Variants in TENM2 observed in about 807,000 individuals in gnomAD.
TENM2 encodes teneurin-2.
In TENM2, 52 loss-of-function variants were observed where a neutral mutation model predicts 245.2. The ratio of observed to expected loss-of-function variants is 0.21; its 90% CI spans 0.17 to 0.27. The LOEUF is 0.27. Among genes scored for constraint, TENM2 ranks in the 10% least tolerant of loss-of-function variants. The pLI, the probability that TENM2 is intolerant of heterozygous loss-of-function variation, is 1.00. For missense variants in TENM2, 3,046 were observed against 3,666.8 expected (o/e 0.83, Z 4.37); for synonymous variants, 1,363 against 1,438.9 (o/e 0.95, Z 1.19).
At chr5:167,098,653 A>G in the TENM2 span, among the ~76,000 whole-genome samples, 4 of 152,230 alleles carry the variant, frequency 2.6e-5, no homozygotes, top group Non-Finnish European at 5.9e-5. Context: ...ACTTGAAAAC[A>G]TACCGAGAAA....
the TENM2 span, among the ~76,000 whole-genome samples, chr5:167,234,628 A>G: frequency 6.6e-6 from 1 of 152,170 alleles, no homozygotes; most frequent in Admixed American, 6.5e-5. Flanking sequence ...GTGAATGAGG[A>G]TGATTTCATA....
intron 2 of TENM2, among the ~76,000 whole-genome samples, chr5:167,720,325 A>G (rs546498689): frequency 2.0e-5 from 3 of 152,246 alleles, no homozygotes; most frequent in Non-Finnish European, 2.9e-5. Context: ...TGAAAAAAAT[A>G]TGAAAGCACA....
chr5:167,524,807 A>G (rs1770996220), intron 2 of TENM2, among the ~76,000 whole-genome samples: 1 of 151,604 alleles, frequency 6.6e-6, no homozygotes, highest in African/African-American at 2.4e-5. Context: ...CATGAGGATT[A>G]AACCCCTCTC....
At chr5:167,832,835 C>T (rs1440383098) in intron 2 of TENM2, among the ~76,000 whole-genome samples, 1 of 151,844 alleles carries the variant, frequency 6.6e-6, no homozygotes, top group Non-Finnish European at 1.5e-5. Context: ...TGCAATACGT[C>T]TTCTCAATTC....
At chr5:167,385,580 A>G (rs1761378546) in intron 2 of TENM2, among the ~76,000 whole-genome samples, 1 of 148,610 alleles carries the variant, frequency 6.7e-6, no homozygotes, top group Non-Finnish European at 1.5e-5. Context: ...TTTAGTGGTG[A>G]TTGTGAGATT....
chr5:168,126,263 G>T (rs760583686), intron 11 of TENM2, among the ~76,000 whole-genome samples: 12 of 152,206 alleles, frequency 7.9e-5, no homozygotes, highest in Non-Finnish European at 1.5e-4. Context: ...GGTCAGTTCA[G>T]GCTGTCAGTG....
intron 2 of TENM2, among the ~76,000 whole-genome samples, chr5:167,756,832 C>T (rs921647687): frequency 6.6e-6 from 1 of 152,004 alleles, no homozygotes; most frequent in African/African-American, 2.4e-5. Context: ...CCACTCCCAC[C>T]CCCAGCTTTC....
At chr5:167,285,048 G>A (rs1771256571) in exon 1 of TENM2, 1 of 1,551,922 alleles carries the variant, frequency 6.4e-7, no homozygotes. Context: ...GGAGTCAGAT[G>A]AGTTTCCTAG....
intron 6 of TENM2, among the ~76,000 whole-genome samples, chr5:168,061,010 A>G (rs1318782964): frequency 1.3e-5 from 2 of 152,202 alleles, no homozygotes; most frequent in African/African-American, 4.8e-5. Flanking sequence ...CAGGCTGAAG[A>G]AATTTTTGGA....
the TENM2 span, among the ~76,000 whole-genome samples, chr5:167,016,481 GAA>G: frequency 2.0e-5 from 3 of 152,144 alleles, no homozygotes; most frequent in African/African-American, 7.2e-5. Flanking sequence ...ATTAAAAAAA[GAA>G]TGCATGAATT....
intron 2 of TENM2, among the ~76,000 whole-genome samples, chr5:167,430,337 C>A: frequency 6.6e-6 from 1 of 152,192 alleles, no homozygotes; most frequent in East Asian, 1.9e-4. Flanking sequence ...AAATAATCAA[C>A]GTAATGTGCT....
intron 2 of TENM2, among the ~76,000 whole-genome samples, chr5:167,421,961 T>C (rs923274515): frequency 2.6e-5 from 4 of 152,060 alleles, no homozygotes; most frequent in Admixed American, 6.6e-5. Flanking sequence ...CCAGCTAATA[T>C]TTGTATTTTT....
chr5:168,244,363 C>T lies in TENM2; in HGVS notation c.5521-57C>T, dbSNP rs1766361411. On this transcript the variant is annotated intron_variant, in intron 25 of 28. Transcript: ENST00000518659. The surrounding 1 kb of genome is among the most constrained non-coding windows in gnomAD (Gnocchi z 4.9). ...ATGCCAGCCATGTCCTCCACAGAAG[C>T]CTGAGCCGGCATGCCTGGGTGATGT... 1.4e-6 allele frequency: 2 copies of T among 1,387,522 alleles called. No individual in the cohort carries two copies. Among genetic ancestry groups the T allele is most frequent in the South Asian group, 1.7e-5 (1 of 59,630 alleles). 86.0% of individuals were successfully genotyped at this position (1,387,522 alleles called of 1,614,324 possible). A position where few individuals can be genotyped will look rare whatever the true frequency, so the allele number is the denominator to read the frequency against.
intron 1 of TENM2, among the ~76,000 whole-genome samples, chr5:167,331,255 A>G (rs1757445713): frequency 1.4e-5 from 2 of 146,112 alleles, no homozygotes; most frequent in Admixed American, 1.4e-4. Context: ...AAAAAAAAAG[A>G]CAAGAAAAAA....
the TENM2 span, among the ~76,000 whole-genome samples, chr5:167,275,158 A>G: frequency 1.3e-5 from 2 of 151,994 alleles, no homozygotes; most frequent in African/African-American, 4.8e-5. Context: ...CACCTTTCTT[A>G]AAAATCAGTT....
At chr5:167,230,205 A>G in the TENM2 span, among the ~76,000 whole-genome samples, 1 of 152,042 alleles carries the variant, frequency 6.6e-6, no homozygotes, top group African/African-American at 2.4e-5. Flanking sequence ...GGAATTCCCT[A>G]TGTTAGTCTC....
chr5:167,179,100 T>C, the TENM2 span, among the ~76,000 whole-genome samples: 6 of 152,334 alleles, frequency 3.9e-5, no homozygotes, highest in African/African-American at 1.2e-4. Flanking sequence ...TTTTTTTCTC[T>C]TAATAAGGCA....
At chr5:167,888,172 A>G (rs902850417) in intron 3 of TENM2, among the ~76,000 whole-genome samples, 3 of 152,216 alleles carry the variant, frequency 2.0e-5, no homozygotes, top group African/African-American at 7.2e-5. Context: ...GGGAAACACA[A>G]TTCAGCCCAC....
chr5:167,102,544 G>A, the TENM2 span, among the ~76,000 whole-genome samples: 13 of 152,206 alleles, frequency 8.5e-5, no homozygotes, highest in Non-Finnish European at 1.6e-4. Flanking sequence ...CAACTACGTG[G>A]ATGATGATAT....
Sources: gnomAD v4.1 joint callset for allele counts (sites outside exome capture counted in the v4.1 genomes callset) on GRCh38, gnomAD v4.1.1 for gene constraint, Gnocchi (gnomAD v3.1) non-coding constraint, MANE v1.5 for transcripts, NCBI Gene and HGNC (gene_info 2026-07-23, HGNC 2026-07-21) for gene names.